The following ASTN2 variants were observed in gnomAD, a reference collection of about 807,000 sequenced individuals.
ASTN2 encodes the protein astrotactin 2.
Under a neutral mutation model 139.8 loss-of-function variants are expected in ASTN2, and 54 were observed. The ratio of observed to expected loss-of-function variants is 0.39; its 90% CI spans 0.31 to 0.48. ASTN2 has a LOEUF of 0.48. Ranked by LOEUF, ASTN2 falls within the 20% of genes least tolerant of loss-of-function variation. The probability of loss-of-function intolerance (pLI) is 0.95; values close to 1 mark genes in which losing one functional copy is unlikely to be tolerated. For synonymous variants in ASTN2, 756 were observed against 719.5 expected, an observed-to-expected ratio of 1.05 and a Z score of -0.81; for missense variants, 1,565 against 1,725.1, an observed-to-expected ratio of 0.91 and a Z score of 1.64.
At chr9:116,990,313 G>T (rs1836815771) in intron 7 of ASTN2, among the ~76,000 whole-genome samples, 1 of 151,984 alleles carries the variant, frequency 6.6e-6, no homozygotes, top group Admixed American at 6.6e-5. Context: ...TGTCACCCAG[G>T]CTGGAATGCA....
At chr9:117,156,710 C>A (rs1830440897) in intron 3 of ASTN2, among the ~76,000 whole-genome samples, 1 of 151,834 alleles carries the variant, frequency 6.6e-6, no homozygotes, top group African/African-American at 2.4e-5. Context: ...AACAAAAAAC[C>A]CAGAAGAGAT....
At chr9:116,555,537 C>G (rs924399184) in intron 19 of ASTN2, among the ~76,000 whole-genome samples, 7 of 152,074 alleles carry the variant, frequency 4.6e-5, no homozygotes, top group Admixed American at 1.3e-4. Context: ...ACCTCCCCAC[C>G]CCGTCCCCAC....
chr9:116,502,269 A>T (rs1849889065), intron 19 of ASTN2, among the ~76,000 whole-genome samples: 1 of 151,912 alleles, frequency 6.6e-6, no homozygotes, highest in South Asian at 2.1e-4. Context: ...CACAAAAAAC[A>T]AACACAGAGA....
chr9:116,988,538 C>T (rs575538343), intron 7 of ASTN2, among the ~76,000 whole-genome samples: 28 of 152,220 alleles, frequency 1.8e-4, no homozygotes, highest in South Asian at 4.2e-4. Flanking sequence ...CCCTGTGAAG[C>T]GGGTGCTCAT....
intron 1 of ASTN2, among the ~76,000 whole-genome samples, chr9:117,335,125 A>G (rs2130855674): frequency 6.6e-6 from 1 of 152,278 alleles, no homozygotes; most frequent in Admixed American, 6.5e-5. Flanking sequence ...GGCTCACTCC[A>G]TTGCTTTATT....
At position 116,962,674 on chromosome 9, in the gene ASTN2, T is replaced by C. The variant is rs577405050; in HGVS notation, c.1889+12534A>G. On this transcript the variant is annotated intron_variant, in intron 10 of 22. Coordinates refer to ENST00000313400, the MANE Select transcript of ASTN2 (RefSeq NM_001365068.1). ...TTATAATAGGGTTTCTCAAACCTTTTAAATTATGGAATCCTCCTTTTTAAT... is the reference window on the plus strand; with the variant it reads ...TTATAATAGGGTTTCTCAAACCTTTCAAATTATGGAATCCTCCTTTTTAAT... 3.0e-4 allele frequency among the ~76,000 whole-genome samples: 46 copies of C among 152,356 alleles called. No homozygotes were observed. In the South Asian group the frequency reaches 8.9e-3, roughly 29 times the overall value.
chr9:117,352,076 A>G (rs552901016), intron 1 of ASTN2, among the ~76,000 whole-genome samples: 1 of 152,342 alleles, frequency 6.6e-6, no homozygotes, highest in East Asian at 1.9e-4. Flanking sequence ...GAAAACCTGG[A>G]CTTCTCAATA....
chr9:117,260,156 CACA>C (rs1415014105), intron 2 of ASTN2, among the ~76,000 whole-genome samples: 2 of 152,078 alleles, frequency 1.3e-5, no homozygotes, highest in Admixed American at 6.5e-5. Context: ...AAAACCCTGA[CACA>C]ACATCAAAGC....
intron 5 of ASTN2, among the ~76,000 whole-genome samples, chr9:117,091,396 A>T (rs1039058843): frequency 6.6e-6 from 1 of 152,182 alleles, no homozygotes; most frequent in Non-Finnish European, 1.5e-5. Context: ...TTTCCAGTTC[A>T]GTGGAGGACA....
At chr9:117,320,344 G>T (rs1828288583) in intron 1 of ASTN2, among the ~76,000 whole-genome samples, 1 of 152,136 alleles carries the variant, frequency 6.6e-6, no homozygotes, top group South Asian at 2.1e-4. Context: ...CTTCTGTCTG[G>T]GTTGACTTTA....
chr9:116,731,333 C>A (rs1366718233), intron 14 of ASTN2, among the ~76,000 whole-genome samples: 1 of 151,920 alleles, frequency 6.6e-6, no homozygotes, highest in Non-Finnish European at 1.5e-5. Context: ...CCATAGTGTG[C>A]CAAGCATTTT....
intron 20 of ASTN2, among the ~76,000 whole-genome samples, chr9:116,455,041 A>T (rs930475309): frequency 5.7e-5 from 8 of 141,476 alleles, no homozygotes; most frequent in African/African-American, 2.0e-4. Flanking sequence ...GTATAATAAT[A>T]AAAAAAAAAA....
intron 2 of ASTN2, among the ~76,000 whole-genome samples, chr9:117,220,821 C>T (rs7041525): frequency 0.049 from 7,492 of 152,262 alleles, 353 homozygotes; most frequent in African/African-American, 0.13. Flanking sequence ...GAAACTAAGG[C>T]ACTGCCCTTG....
intron 20 of ASTN2, among the ~76,000 whole-genome samples, chr9:116,459,267 T>C (rs1001252410): frequency 6.6e-6 from 1 of 151,954 alleles, no homozygotes; most frequent in African/African-American, 2.4e-5. Flanking sequence ...TTAAAATAGG[T>C]CATTAAAGAC....
At chr9:117,134,124 A>C (rs1051398373) in intron 4 of ASTN2, among the ~76,000 whole-genome samples, 1 of 151,772 alleles carries the variant, frequency 6.6e-6, no homozygotes, top group African/African-American at 2.4e-5. Context: ...GGGACCAAAG[A>C]AACAAAGGAA....
intron 1 of ASTN2, among the ~76,000 whole-genome samples, chr9:117,344,816 G>A (rs1347940582): frequency 2.0e-5 from 3 of 152,110 alleles, no homozygotes; most frequent in Non-Finnish European, 4.4e-5. Flanking sequence ...CCCAGGCAGA[G>A]GCATTGTGTG....
intron 1 of ASTN2, among the ~76,000 whole-genome samples, chr9:117,312,763 C>T (rs995189707): frequency 1.2e-4 from 18 of 152,158 alleles, no homozygotes; most frequent in African/African-American, 4.3e-4. Context: ...CACAACCATT[C>T]CCCTCCCTGG....
chr9:116,733,351 C>CG lies in ASTN2; in HGVS notation c.2521+47dup, dbSNP rs139739492. On this transcript the variant is annotated intron_variant, in intron 14 of 22. Transcript: ENST00000313400. Reference sequence around the variant, plus strand: ...CTGATATGCACTAGGTGTGGAGACTCGGTGTGTGGTCAGGGAACCTGGGAA... The same window carrying CG: ...CTGATATGCACTAGGTGTGGAGACTCGGGTGTGTGGTCAGGGAACCTGGGAA... 5,166 of 1,589,546 alleles carry CG rather than the reference C, an allele frequency of 3.2e-3. 156 individuals are homozygous for CG. The African/African-American group carries it at 0.06, about 19-fold the overall frequency.
intron 19 of ASTN2, among the ~76,000 whole-genome samples, chr9:116,528,386 C>T (rs914490714): frequency 6.6e-6 from 1 of 152,138 alleles, no homozygotes; most frequent in Non-Finnish European, 1.5e-5. Context: ...AGCAGCAAAG[C>T]ATTCAAGAAA....
Sources: gnomAD v4.1 joint callset for allele counts (sites outside exome capture counted in the v4.1 genomes callset) on GRCh38, gnomAD v4.1.1 for gene constraint, MANE v1.5 for transcripts, NCBI Gene and HGNC (gene_info 2026-07-23, HGNC 2026-07-21) for gene names.